Variants in STX2 observed in about 807,000 individuals in gnomAD.
STX2 encodes the protein syntaxin-2.
In STX2, 27 loss-of-function variants were observed where a neutral mutation model predicts 40.6. The ratio of observed to expected loss-of-function variants is 0.66; its 90% CI spans 0.49 to 0.92. The LOEUF is 0.92. Ranked by LOEUF, STX2 falls within the 40% of genes least tolerant of loss-of-function variation. The probability of loss-of-function intolerance (pLI) is 0.00; values close to 1 mark genes in which losing one functional copy is unlikely to be tolerated. For synonymous variants in STX2, 123 were observed against 119.1 expected, an observed-to-expected ratio of 1.03 and a Z score of -0.22; for missense variants, 328 against 366.1, an observed-to-expected ratio of 0.90 and a Z score of 0.85.
At chr12:130,805,903 G>A (rs983309070) in intron 6 of STX2, among the ~76,000 whole-genome samples, 93 of 152,272 alleles carry the variant, frequency 6.1e-4, no homozygotes, top group African/African-American at 2.0e-3. Flanking sequence ...ACCAACCAGA[G>A]CAGACAGGAC....
chr12:130,818,185 A>AAATATATATAT, intron 3 of STX2, among the ~76,000 whole-genome samples: 12 of 70,546 alleles, frequency 1.7e-4, no homozygotes, highest in African/African-American at 7.1e-4. Context: ...AAAAAAAAAA[A>AAATATATATAT]ATATATATAT....
At chr12:130,814,035 C>T (rs1283619392) in intron 3 of STX2, among the ~76,000 whole-genome samples, 1 of 152,202 alleles carries the variant, frequency 6.6e-6, no homozygotes, top group Admixed American at 6.5e-5. Flanking sequence ...ACGCAGGGTG[C>T]CCCGAGTACC....
intron 9 of STX2, among the ~76,000 whole-genome samples, chr12:130,797,107 G>A (rs184497752): frequency 5.9e-5 from 9 of 152,282 alleles, no homozygotes; most frequent in Admixed American, 3.3e-4. Flanking sequence ...GAGTTTATAC[G>A]CCAGCTACCG....
intron 1 of STX2, among the ~76,000 whole-genome samples, chr12:130,836,669 C>T (rs7311067): frequency 0.17 from 25,652 of 152,206 alleles, 2,789 homozygotes; most frequent in Non-Finnish European, 0.23. Context: ...CCACCTTCTC[C>T]CAGAGCTTCA....
At chr12:130,794,724 T>C (rs1471115493) in intron 10 of STX2, among the ~76,000 whole-genome samples, 2 of 152,188 alleles carry the variant, frequency 1.3e-5, no homozygotes, top group African/African-American at 4.8e-5. Context: ...GGAATAAATC[T>C]TAAAGATTAC....
In STX2 at chr12:130,791,458, C is replaced by T. The variant is rs6486598; in HGVS notation, c.*565G>A. 149,026 of 152,220 alleles carry T rather than the reference C, an allele frequency of 0.98. 73,035 individuals carry two copies. Among genetic ancestry groups the T allele is most frequent in the South Asian group, 1 (4,800 of 4,800 alleles). 9.4% of individuals were successfully genotyped at this position (152,220 alleles called of 1,614,324 possible). ...GGAGAATTGCTTGAACCCGGGAGGC[C>T]GAGGTTGCAGTGAGCTGAGATCGCA... On this transcript the variant is annotated 3_prime_UTR_variant, in exon 11 of 11. Coordinates refer to ENST00000392373, the MANE Select transcript of STX2 (RefSeq NM_194356.4).
At chr12:130,793,912 T>C (rs113391830) in intron 10 of STX2, among the ~76,000 whole-genome samples, 4 of 152,366 alleles carry the variant, frequency 2.6e-5, no homozygotes, top group African/African-American at 9.6e-5. Context: ...CTGCTTTTTA[T>C]GAATGAGGAT....
chr12:130,827,165 A>G (rs1330358007), intron 2 of STX2, 28 bp downstream of exon 2: 2 of 1,564,476 alleles, frequency 1.3e-6, no homozygotes, highest in Admixed American at 1.7e-5. Flanking sequence ...TAGGCAGGCT[A>G]TGATTGGGTT....
intron 2 of STX2, among the ~76,000 whole-genome samples, chr12:130,824,341 C>T (rs773460727): frequency 1.3e-5 from 2 of 152,190 alleles, no homozygotes; most frequent in African/African-American, 2.4e-5. Context: ...GCCAAGATCA[C>T]ACCACTGCAC....
chr12:130,806,863 G>A (rs1340784748), intron 6 of STX2, 119 bp downstream of exon 6: 31 of 945,602 alleles, frequency 3.3e-5, no homozygotes, highest in South Asian at 1.9e-4. Flanking sequence ...TGGTCTTTGG[G>A]TTTTACACTA....
chr12:130,811,357 C>CAAAA (rs35156542), intron 4 of STX2, among the ~76,000 whole-genome samples: 15 of 98,408 alleles, frequency 1.5e-4, no homozygotes, highest in East Asian at 5.6e-4. Flanking sequence ...GACTCTGTCT[C>CAAAA]AAAAAAAAAA....
At chr12:130,831,997 A>T (rs1390438355) in intron 1 of STX2, among the ~76,000 whole-genome samples, 1 of 151,268 alleles carries the variant, frequency 6.6e-6, no homozygotes, top group Non-Finnish European at 1.5e-5. Flanking sequence ...CAGCCTCCTG[A>T]GTAACTGGGA....
At chr12:130,832,767 G>A (rs1035164270) in intron 1 of STX2, among the ~76,000 whole-genome samples, 18 of 152,066 alleles carry the variant, frequency 1.2e-4, no homozygotes, top group Non-Finnish European at 2.1e-4. Context: ...TCTCACCTCC[G>A]CCCACTGCTG....
intron 10 of STX2, among the ~76,000 whole-genome samples, chr12:130,794,071 T>G (rs537678827): frequency 1.3e-5 from 2 of 152,326 alleles, no homozygotes; most frequent in East Asian, 3.9e-4. Context: ...CCATGAAAAG[T>G]CGCGCATTTC....
intron 3 of STX2, among the ~76,000 whole-genome samples, chr12:130,814,200 T>C (rs942226053): frequency 1.3e-5 from 2 of 152,170 alleles, no homozygotes; most frequent in Non-Finnish European, 2.9e-5. Flanking sequence ...GAGTACTTTC[T>C]GTGTGCAGGC....
rs1950858669 is a variant in STX2, at chr12:130,790,841, G to A, written c.*1182C>T. 6.6e-6 allele frequency: 1 copy of A among 152,620 alleles called. No individual in the cohort carries two copies. The highest frequency in any genetic ancestry group is 1.5e-5 in the Non-Finnish European group (1 of 68,042). The allele number at this position is 152,620 out of a possible 1,614,324, so 9.5% of individuals were successfully genotyped here. On this transcript the variant is annotated 3_prime_UTR_variant, in exon 11 of 11. Transcript: ENST00000392373. ...GTAACCATTCATTATCCTGGGGGAG[G>A]GAACAGGCGGAAACGGAGCTGAGGC...
chr12:130,823,371 C>T (rs1339657979), intron 2 of STX2, among the ~76,000 whole-genome samples: 1 of 152,190 alleles, frequency 6.6e-6, no homozygotes, highest in Non-Finnish European at 1.5e-5. Flanking sequence ...ACAATCCACA[C>T]CCTAATCCCA....
At chr12:130,828,518 G>C (rs1265121889) in intron 1 of STX2, among the ~76,000 whole-genome samples, 1 of 150,788 alleles carries the variant, frequency 6.6e-6, no homozygotes, top group Non-Finnish European at 1.5e-5. Context: ...GGGATTACAG[G>C]CATGAGCCAC....
chr12:130,790,500 C>G lies in STX2; in HGVS notation c.*1523G>C, dbSNP rs896503514. On this transcript the variant is annotated 3_prime_UTR_variant, in exon 11 of 11. Transcript: ENST00000392373. ...TCCGCTCACCAGTTCATACATTTTA[C>G]AAGTCTAAAAATAAGTGATATTCTT... 7.2e-5 allele frequency: 11 copies of G among 152,152 alleles called. No homozygotes were observed. Among genetic ancestry groups the G allele is most frequent in the Non-Finnish European group, 1.6e-4 (11 of 68,022 alleles). The allele number at this position is 152,152 out of a possible 1,614,324, so 9.4% of individuals were successfully genotyped here.
Sources: allele counts gnomAD v4.1 joint callset (sites outside exome capture counted in the v4.1 genomes callset), GRCh38; gene constraint gnomAD v4.1.1; transcripts MANE v1.5; gene names NCBI Gene and HGNC (gene_info 2026-07-23, HGNC 2026-07-21).